The following GIGYF2 variants were observed in gnomAD, a reference collection of about 807,000 sequenced individuals.
The protein encoded by GIGYF2 is GRB10 interacting GYF protein 2.
In GIGYF2, 25 loss-of-function variants were observed where a neutral mutation model predicts 208.1. The observed-to-expected ratio is 0.12, with a 90% CI of 0.09 to 0.17. The LOEUF (loss-of-function observed/expected upper bound fraction) is 0.17, where lower values mean the gene tolerates loss of function less well. GIGYF2 is among the 10% of genes least tolerant of loss of function. The pLI is 1.00. For synonymous variants in GIGYF2, 534 were observed against 543.8 expected, an observed-to-expected ratio of 0.98 and a Z score of 0.25; for missense variants, 1,302 against 1,579.4, an observed-to-expected ratio of 0.82 and a Z score of 2.98.
chr2:232,829,924 CTCT>C (rs1164618265), intron 21 of GIGYF2, among the ~76,000 whole-genome samples: 3 of 152,224 alleles, frequency 2.0e-5, no homozygotes, highest in Admixed American at 1.3e-4. Flanking sequence ...GAAAGGTAGA[CTCT>C]TCTTTGATTT....
intron 2 of GIGYF2, among the ~76,000 whole-genome samples, chr2:232,729,356 G>A (rs1337707043): frequency 1.3e-5 from 2 of 152,106 alleles, no homozygotes; most frequent in Admixed American, 6.6e-5. Context: ...GGGTTTAAAT[G>A]TTGCCCTAAG....
intron 15 of GIGYF2, among the ~76,000 whole-genome samples, chr2:232,809,147 G>A (rs1700651537): frequency 3.3e-5 from 5 of 152,122 alleles, no homozygotes. Context: ...GTTTCATCAT[G>A]TTGGCCAGGC....
chr2:232,799,833 G>A lies in GIGYF2; in HGVS notation c.1639+3612G>A, dbSNP rs180804271. Among the ~76,000 whole-genome samples the A allele has an allele frequency of 6.6e-5, 10 of 152,094 alleles. No homozygotes were observed. The East Asian group carries it at 1.5e-3, about 23-fold the overall frequency. On this transcript the variant is annotated intron_variant, in intron 14 of 28. Coordinates refer to ENST00000373563, the MANE Select transcript of GIGYF2 (RefSeq NM_001103146.3). ...GTAGCCATCCTAATGGGTGTGAGGT[G>A]GTATTTCATTGCAGTTTTCATTTGC...
At chr2:232,839,645 T>C (rs1272868291) in intron 22 of GIGYF2, among the ~76,000 whole-genome samples, 1 of 152,184 alleles carries the variant, frequency 6.6e-6, no homozygotes, top group Non-Finnish European at 1.5e-5. Context: ...TAAAATAAAC[T>C]TAGGTTTGGA....
At chr2:232,827,085 G>T (rs1701271918) in intron 21 of GIGYF2, among the ~76,000 whole-genome samples, 2 of 152,178 alleles carry the variant, frequency 1.3e-5, no homozygotes, top group African/African-American at 4.8e-5. Flanking sequence ...TGGCCTCAAA[G>T]CCTCAAAGGA....
chr2:232,765,876 A>G (rs923980084), intron 8 of GIGYF2: 2 of 468,774 alleles, frequency 4.3e-6, no homozygotes, highest in Non-Finnish European at 4.4e-6. Context: ...TGAAACTGTC[A>G]TGCTATCTTT....
intron 28 of GIGYF2, among the ~76,000 whole-genome samples, chr2:232,852,593 AAAT>A (rs71398751): frequency 0.28 from 42,208 of 151,836 alleles, 6,594 homozygotes; most frequent in Non-Finnish European, 0.36. Context: ...TATTATTTAA[AAAT>A]AATAATAACA....
At chr2:232,778,874 C>A (rs566973798) in intron 8 of GIGYF2, among the ~76,000 whole-genome samples, 13 of 152,088 alleles carry the variant, frequency 8.5e-5, no homozygotes, top group Admixed American at 2.6e-4. Context: ...TGAGGAAGAA[C>A]GCTACTAGAC....
chr2:232,718,083 T>G (rs6761324), intron 2 of GIGYF2, among the ~76,000 whole-genome samples: 48,231 of 151,980 alleles, frequency 0.32, 8,018 homozygotes, highest in South Asian at 0.62. Flanking sequence ...AGTAATTTTT[T>G]TTGTTGTTGT....
At chr2:232,785,523 T>C (rs183755045) in intron 8 of GIGYF2, among the ~76,000 whole-genome samples, 2 of 152,356 alleles carry the variant, frequency 1.3e-5, no homozygotes, top group East Asian at 3.9e-4. Context: ...GTGTCCAAGA[T>C]GGAAACTACA....
At chr2:232,717,943 C>T (rs923795418) in intron 2 of GIGYF2, among the ~76,000 whole-genome samples, 10 of 152,104 alleles carry the variant, frequency 6.6e-5, no homozygotes, top group Admixed American at 1.3e-4. Context: ...TTGCAGGGGT[C>T]ATATACCCAA....
intron 8 of GIGYF2, among the ~76,000 whole-genome samples, chr2:232,762,687 A>C (rs76666688): frequency 6.6e-6 from 1 of 152,174 alleles, no homozygotes; most frequent in African/African-American, 2.4e-5. Context: ...TAAAGATATC[A>C]ATAATTAAAA....
At chr2:232,780,921 G>T (rs1699691614) in intron 8 of GIGYF2, among the ~76,000 whole-genome samples, 1 of 151,954 alleles carries the variant, frequency 6.6e-6, no homozygotes, top group Admixed American at 6.6e-5. Flanking sequence ...AACTGCCCAT[G>T]AATGACTTTA....
intron 2 of GIGYF2, among the ~76,000 whole-genome samples, chr2:232,710,844 C>T (rs1350076913): frequency 6.6e-6 from 1 of 151,832 alleles, no homozygotes; most frequent in Non-Finnish European, 1.5e-5. Context: ...GGATTACAGG[C>T]ACCCATTACC....
chr2:232,779,896 C>A (rs1469319745), intron 8 of GIGYF2, among the ~76,000 whole-genome samples: 1 of 152,154 alleles, frequency 6.6e-6, no homozygotes, highest in African/African-American at 2.4e-5. Flanking sequence ...TGGTAAATAT[C>A]AACACTTGAG....
intron 2 of GIGYF2, among the ~76,000 whole-genome samples, chr2:232,707,134 T>A (rs779198855): frequency 1.3e-5 from 2 of 152,102 alleles, no homozygotes; most frequent in Non-Finnish European, 2.9e-5. Flanking sequence ...GAAGGAGAAA[T>A]GTTTATATTG....
At chr2:232,838,220 T>C (rs1283578170) in intron 22 of GIGYF2, among the ~76,000 whole-genome samples, 1 of 152,188 alleles carries the variant, frequency 6.6e-6, no homozygotes. Context: ...ATATTTTGTG[T>C]GTATATATAC....
chr2:232,767,407 A>G lies in GIGYF2; in HGVS notation c.532+5971A>G, dbSNP rs1699018564. 2.0e-5 allele frequency: 3 copies of G among 152,546 alleles called. No homozygotes were observed. The South Asian group carries it at 6.2e-4, about 32-fold the overall frequency. The allele number at this position is 152,546 out of a possible 1,614,324, so 9.4% of individuals were successfully genotyped here. A position where few individuals can be genotyped will look rare whatever the true frequency, so the allele number is the denominator to read the frequency against. ...GGGGAATGTTTTTACTTAGGTTGCT[A>G]GAAGTCATTTAGATGAATCACCGTT... On this transcript the variant is annotated intron_variant, in intron 8 of 28. Transcript: ENST00000373563.
chr2:232,774,179 A>G (rs1308176366), intron 8 of GIGYF2, among the ~76,000 whole-genome samples: 1 of 152,070 alleles, frequency 6.6e-6, no homozygotes, highest in Non-Finnish European at 1.5e-5. Context: ...GGATATGAAT[A>G]TTATACATTC....
Sources: allele counts gnomAD v4.1 joint callset (sites outside exome capture counted in the v4.1 genomes callset), GRCh38; gene constraint gnomAD v4.1.1; transcripts MANE v1.5; gene names NCBI Gene and HGNC (gene_info 2026-07-23, HGNC 2026-07-21).